The following PCDHGA1 variants were observed in gnomAD, a reference collection of about 807,000 sequenced individuals.
The protein encoded by PCDHGA1 is protocadherin gamma-A1.
PCDHGA1 carries 32 observed loss-of-function variants against 58.0 expected under a neutral mutation model. The observed-to-expected ratio is 0.55, with a 90% CI of 0.42 to 0.74. The LOEUF (loss-of-function observed/expected upper bound fraction) is 0.74. PCDHGA1 is among the 30% of genes least tolerant of loss of function. The pLI, the probability that PCDHGA1 is intolerant of heterozygous loss-of-function variation, is 0.00. For synonymous variants in PCDHGA1, 498 were observed against 501.1 expected, an observed-to-expected ratio of 0.99 and a Z score of 0.08; for missense variants, 1,205 against 1,182.3, an observed-to-expected ratio of 1.02 and a Z score of -0.28.
Position 141,485,291 on chromosome 5 carries a change from CAGGA to C in PCDHGA1, c.2422-9512_2422-9509del. ...CCGCTACCCGGTCCCAGAGGAGTCA[CAGGA>C]AGGGACTTTTGTAGGGAATGTCGCT... On this transcript the variant is annotated intron_variant, in intron 1 of 3. Transcript: ENST00000517417. The surrounding 1 kb of genome is among the most constrained non-coding windows in gnomAD (Gnocchi z 5.7). 1 of 1,614,152 alleles carries C rather than the reference CAGGA, an allele frequency of 6.2e-7. No individual in the cohort carries two copies. Among genetic ancestry groups the C allele is most frequent in the Non-Finnish European group, 8.5e-7 (1 of 1,179,992 alleles).
In PCDHGA1 at chr5:141,493,577, T is replaced by C. The variant is rs2099749081; in HGVS notation, c.2422-1230T>C. On this transcript the variant is annotated intron_variant, in intron 1 of 3. Coordinates refer to ENST00000517417, the MANE Select transcript of PCDHGA1 (RefSeq NM_018912.3). This position sits in a 1 kb window ranked among gnomAD's most constrained non-coding sequence, Gnocchi z 4.3. ...GAGTTCCCCCAGCTCCGTTTCCTCC[T>C]ATCACAATCACTGCATTTCCATGTA... Among the ~76,000 whole-genome samples, 2 of 152,208 alleles carry C rather than the reference T, an allele frequency of 1.3e-5. No homozygotes were observed. The highest frequency in any genetic ancestry group is 1.3e-4 in the Admixed American group (2 of 15,280).
intron 1 of PCDHGA1, among the ~76,000 whole-genome samples, chr5:141,448,581 T>A (rs570781751): frequency 2.0e-5 from 3 of 152,274 alleles, no homozygotes; most frequent in African/African-American, 7.2e-5. Context: ...CCATTTTTTT[T>A]ACAAAAAGAT....
chr5:141,460,795 G>GTA (rs2154567069), intron 1 of PCDHGA1, among the ~76,000 whole-genome samples: 1 of 151,608 alleles, frequency 6.6e-6, no homozygotes, highest in East Asian at 1.9e-4. Flanking sequence ...TACACACAAA[G>GTA]TATATATATG....
chr5:141,467,874 G>T (rs926647135), intron 1 of PCDHGA1, among the ~76,000 whole-genome samples: 1 of 151,920 alleles, frequency 6.6e-6, no homozygotes, highest in Non-Finnish European at 1.5e-5. Context: ...GCCCAGGCTG[G>T]TCTCAAACTC....
At chr5:141,399,625 T>C (rs1270466401) in intron 1 of PCDHGA1, 9 of 1,613,796 alleles carry the variant, frequency 5.6e-6, no homozygotes, top group African/African-American at 1.3e-5. Context: ...ACTGGCCTCT[T>C]ACGTGTCCAT....
intron 1 of PCDHGA1, chr5:141,427,677 C>T: frequency 1.2e-6 from 1 of 816,672 alleles, no homozygotes; most frequent in Non-Finnish European, 2.1e-6. Flanking sequence ...AAACAACCTT[C>T]CCGGAGCCTC....
chr5:141,356,322 T>A, intron 1 of PCDHGA1: 5 of 1,554,272 alleles, frequency 3.2e-6, no homozygotes, highest in Non-Finnish European at 4.4e-6. Context: ...TGCATGACAG[T>A]GACTCAGGAG....
intron 1 of PCDHGA1, among the ~76,000 whole-genome samples, chr5:141,454,730 A>C (rs2098797371): frequency 6.7e-6 from 1 of 150,092 alleles, no homozygotes; most frequent in Admixed American, 6.7e-5. Context: ...TATATGTTAT[A>C]GGATGAAAAG....
intron 1 of PCDHGA1, chr5:141,413,019 C>T (rs1056458163): frequency 2.9e-6 from 2 of 683,106 alleles, no homozygotes; most frequent in Non-Finnish European, 4.7e-6. Flanking sequence ...ACTACACAAG[C>T]CCCACAAACC....
chr5:141,399,030 G>C, intron 1 of PCDHGA1: 1 of 1,613,824 alleles, frequency 6.2e-7, no homozygotes, highest in Non-Finnish European at 8.5e-7. Flanking sequence ...CCACTCAAAA[G>C]AAACTGGATT....
In PCDHGA1 at chr5:141,414,114, T is replaced by C. The variant is rs145910780; in HGVS notation, c.2422-80693T>C. The C allele has an allele frequency of 2.0e-5, 32 of 1,592,348 alleles. 2 individuals carry two copies. In the East Asian group the frequency reaches 6.3e-4, roughly 32 times the overall value. ...TAAAAATATCAGAAAATCTAGATTA[T>C]GAAGAAACCGGTTTCTATGAAATAG... On this transcript the variant is annotated intron_variant, in intron 1 of 3. Coordinates refer to ENST00000517417, the MANE Select transcript of PCDHGA1 (RefSeq NM_018912.3).
intron 1 of PCDHGA1, chr5:141,365,253 A>G (rs1763814300): frequency 8.7e-6 from 14 of 1,613,978 alleles, no homozygotes; most frequent in Non-Finnish European, 1.1e-5. Context: ...CAATCACTGG[A>G]CTATGAAGAA....
intron 1 of PCDHGA1, chr5:141,415,772 T>TA (rs763083459): frequency 1.1e-5 from 15 of 1,332,970 alleles, no homozygotes; most frequent in Non-Finnish European, 1.3e-5. Flanking sequence ...TTTTTTTTTT[T>TA]ACTTTCTGGT....
intron 1 of PCDHGA1, chr5:141,415,818 A>G: frequency 2.3e-6 from 3 of 1,325,056 alleles, no homozygotes; most frequent in Middle Eastern, 2.8e-4. Context: ...CCTATATATC[A>G]TAAGGCTTTG....
chr5:141,498,726 G>T (rs2099785379), intron 2 of PCDHGA1, among the ~76,000 whole-genome samples: 1 of 152,172 alleles, frequency 6.6e-6, no homozygotes, highest in Admixed American at 6.5e-5. Context: ...GAGGTCAGGA[G>T]TTTGAGACCA....
chr5:141,442,227 T>G (rs953690152), intron 1 of PCDHGA1: 16 of 153,240 alleles, frequency 1.0e-4, no homozygotes, highest in African/African-American at 3.6e-4. Context: ...TTAATTTCCT[T>G]TTTATTCTTC....
chr5:141,361,999 C>T, intron 1 of PCDHGA1: 2 of 1,603,024 alleles, frequency 1.2e-6, no homozygotes, highest in East Asian at 2.2e-5. Context: ...CCTGGGGTTG[C>T]GCACGGGTGA....
At chr5:141,466,107 G>T (rs1463944825) in intron 1 of PCDHGA1, among the ~76,000 whole-genome samples, 1 of 151,928 alleles carries the variant, frequency 6.6e-6, no homozygotes, top group East Asian at 1.9e-4. Flanking sequence ...GGGCAACAGA[G>T]TGAGACTCCA....
chr5:141,340,445 G>T (rs763328762), intron 1 of PCDHGA1: 3 of 1,614,134 alleles, frequency 1.9e-6, no homozygotes, highest in Non-Finnish European at 2.5e-6. Flanking sequence ...TTACTCTTTC[G>T]CGGAGGACAC....
Sources: allele counts gnomAD v4.1 joint callset (sites outside exome capture counted in the v4.1 genomes callset), GRCh38; gene constraint gnomAD v4.1.1; non-coding constraint Gnocchi (gnomAD v3.1); transcripts MANE v1.5; gene names NCBI Gene and HGNC (gene_info 2026-07-23, HGNC 2026-07-21).